EBF3: variants seen among roughly 807,000 people sequenced by gnomAD.
EBF3 encodes the protein EBF transcription factor 3, also known as transcription factor COE3.
In EBF3, 18 loss-of-function variants were observed where a neutral mutation model predicts 77.1. The ratio of observed to expected loss-of-function variants is 0.23; its 90% CI spans 0.16 to 0.35. The LOEUF (loss-of-function observed/expected upper bound fraction) is 0.35. Among genes scored for constraint, EBF3 ranks in the 10% least tolerant of loss-of-function variants. The pLI, the probability that EBF3 is intolerant of heterozygous loss-of-function variation, is 1.00. For synonymous variants in EBF3, 350 were observed against 343.5 expected (o/e 1.02, Z -0.21); for missense variants, 558 against 860.0 (o/e 0.65, Z 4.39).
chr10:129,843,298 T>C, intron 11 of EBF3, 96 bp from the exon 12 acceptor site: 1 of 1,343,924 alleles, frequency 7.4e-7, no homozygotes, highest in Non-Finnish European at 1.0e-6. Context: ...TGGAGACCAG[T>C]CCCCACCCAC....
In EBF3 at chr10:129,962,943, G is replaced by T. The variant is rs775287794; in HGVS notation, c.354C>A (p.Asn118Lys). 6.2e-7 allele frequency: 1 copy of T among 1,613,996 alleles called. No individual in the cohort carries two copies. Among genetic ancestry groups the T allele is most frequent in the Admixed American group, 1.7e-5 (1 of 60,020 alleles). Residue 118 changes from asparagine (N) to lysine (K), a missense_variant and splice_region_variant, in exon 3 of 17, where the codon AAC (asparagine) becomes AAA (lysine). Asn to Lys is a moderately conservative substitution (Grantham distance 94). Around this residue, in one of 5 missense-constraint regions of EBF3, gnomAD observed 84 missense variants for 142.3 expected, o/e 0.59. Coordinates refer to ENST00000440978, the MANE Select transcript of EBF3 (RefSeq NM_001375380.1). ...GGCGAGCACGCAGCAGGCACTTACC[G>T]TTGCTGTACAATAACTGGAGTTTAT... ...IHYKLQLLYS[N>K]GVRTEQDLYV...
At chr10:129,872,948 T>C (rs1564844033) in intron 8 of EBF3, among the ~76,000 whole-genome samples, 4 of 150,632 alleles carry the variant, frequency 2.7e-5, no homozygotes. Context: ...AAAAAAAACG[T>C]ATGCTGGTTG....
At position 129,962,172 on chromosome 10, in the gene EBF3, T is replaced by C. The variant is rs1235106936; in HGVS notation, c.410A>G (p.Gln137Arg). ...GTGCAGAGGCATAAACTTTCTCACC[T>C]GTTTGGTCATTGAATCTATGAGGCG... ...YVRLIDSMTK[Q>R]AIVYEGQDKN... Residue 137 changes from glutamine to arginine, a missense_variant and splice_region_variant, in exon 4 of 17, where the codon CAG becomes CGG. Transcript: ENST00000440978. The C allele has an allele frequency of 2.5e-6, 4 of 1,613,988 alleles. No homozygotes were observed. Among genetic ancestry groups the C allele is most frequent in the Non-Finnish European group, 3.4e-6 (4 of 1,180,018 alleles).
intron 6 of EBF3, among the ~76,000 whole-genome samples, chr10:129,942,598 G>A (rs1261808079): frequency 6.6e-6 from 1 of 152,138 alleles, no homozygotes; most frequent in Non-Finnish European, 1.5e-5. Context: ...CCGGGGCACT[G>A]GGGAAAATTG....
At position 129,944,349 on chromosome 10, in the gene EBF3, T is replaced by C. The variant is rs1487121391; in HGVS notation, c.554+12909A>G. Among the ~76,000 whole-genome samples, 1 of 152,238 alleles carries C rather than the reference T, an allele frequency of 6.6e-6. No homozygotes were observed. The highest frequency in any genetic ancestry group is 1.5e-5 in the Non-Finnish European group (1 of 68,052). The stretch of plus-strand genomic sequence containing the variant: ...GACATGCAGGGAACATTTTTATTGT[T>C]AATCAATGCCAATCAATTCTGAGCC... On this transcript the variant is annotated intron_variant, in intron 6 of 16. Coordinates refer to ENST00000440978, the MANE Select transcript of EBF3 (RefSeq NM_001375380.1). The surrounding 1 kb of genome is among the most constrained non-coding windows in gnomAD (Gnocchi z 5.1).
At chr10:129,924,446 CAAAAAA>C (rs2134377938) in intron 6 of EBF3, among the ~76,000 whole-genome samples, 1 of 123,450 alleles carries the variant, frequency 8.1e-6, no homozygotes, top group Non-Finnish European at 1.7e-5. Context: ...AAAAAAAAAA[CAAAAAA>C]CAAAAAACAG....
At chr10:129,912,074 C>CG (rs1855563948) in intron 6 of EBF3, among the ~76,000 whole-genome samples, 1 of 152,170 alleles carries the variant, frequency 6.6e-6, no homozygotes, top group South Asian at 2.1e-4. Flanking sequence ...AGAGGGCTCC[C>CG]GCTAGGACCC....
At chr10:129,923,633 C>T (rs1408248520) in intron 6 of EBF3, among the ~76,000 whole-genome samples, 1 of 152,102 alleles carries the variant, frequency 6.6e-6, no homozygotes, top group Non-Finnish European at 1.5e-5. Context: ...ACAACATATA[C>T]AAAAATTAAC....
chr10:129,838,161 C>A (rs1002729295), intron 16 of EBF3, among the ~76,000 whole-genome samples: 3 of 152,244 alleles, frequency 2.0e-5, no homozygotes, highest in Non-Finnish European at 2.9e-5. Context: ...GGACAACAAC[C>A]CCCAGTCCTG....
intron 4 of EBF3, among the ~76,000 whole-genome samples, chr10:129,960,893 G>A (rs1027951225): frequency 6.6e-6 from 1 of 151,962 alleles, no homozygotes; most frequent in Non-Finnish European, 1.5e-5. Context: ...ACCAGCAGCC[G>A]GAGTTCCAGA....
chr10:129,873,029 G>A (rs536930532), intron 8 of EBF3, among the ~76,000 whole-genome samples: 11 of 152,026 alleles, frequency 7.2e-5, no homozygotes, highest in African/African-American at 2.2e-4. Flanking sequence ...ACATGCACAC[G>A]CACTCCAGCC....
chr10:129,932,895 C>CTTTTTTT (rs35568967), intron 6 of EBF3, among the ~76,000 whole-genome samples: 1 of 126,424 alleles, frequency 7.9e-6, no homozygotes, highest in Non-Finnish European at 1.6e-5. Context: ...CTTTTTTTTC[C>CTTTTTTT]TTTTTTTTTT....
At chr10:129,925,327 C>T (rs530643918) in intron 6 of EBF3, among the ~76,000 whole-genome samples, 19 of 151,882 alleles carry the variant, frequency 1.3e-4, no homozygotes, top group Admixed American at 7.9e-4. Flanking sequence ...GGAGCTGGCA[C>T]CACAGACCCT....
chr10:129,906,331 CCA>C (rs1855140431), intron 6 of EBF3, among the ~76,000 whole-genome samples: 1 of 152,160 alleles, frequency 6.6e-6, no homozygotes, highest in Non-Finnish European at 1.5e-5. Context: ...TGTTCGTCTC[CCA>C]CAGTTTTCAC....
intron 6 of EBF3, among the ~76,000 whole-genome samples, chr10:129,954,817 A>C (rs944964276): frequency 1.3e-5 from 2 of 152,148 alleles, no homozygotes; most frequent in Non-Finnish European, 2.9e-5. Flanking sequence ...GGGGACCTGG[A>C]AACTGACTCC....
rs1857462292 is a variant in EBF3, at chr10:129,937,783, T to C, written c.554+19475A>G. Among the ~76,000 whole-genome samples the C allele has an allele frequency of 2.0e-5, 3 of 152,224 alleles. No individual in the cohort carries two copies. The South Asian group carries it at 6.2e-4, about 32-fold the overall frequency. On this transcript the variant is annotated intron_variant, in intron 6 of 16. Transcript: ENST00000440978. ...CCCTGGCAGCCAAGGGGAGCAGCTC[T>C]AAAGGAGTTCAAGTCCTCTCCGAGC...
intron 10 of EBF3, among the ~76,000 whole-genome samples, chr10:129,856,940 C>T (rs1169511412): frequency 6.6e-6 from 1 of 152,110 alleles, no homozygotes. Flanking sequence ...CTTCCAGGGC[C>T]GGAGTGCCGT....
rs367571825 is a variant in EBF3 at position 129,848,351 on chromosome 10, G to A, written c.1128+41C>T. On this transcript the variant is annotated intron_variant, in intron 11 of 16. Coordinates refer to ENST00000440978, the MANE Select transcript of EBF3 (RefSeq NM_001375380.1). This position sits in a 1 kb window ranked among gnomAD's most constrained non-coding sequence, Gnocchi z 4.4. ...CCCAAACCAGAACCAGCCCAGTGGC[G>A]GCCCCACCATGAGCGGGGTGCCACT... The A allele has an allele frequency of 1.8e-5, 29 of 1,589,052 alleles. No individual in the cohort carries two copies. The highest frequency in any genetic ancestry group is 9.9e-5 in the South Asian group (9 of 90,564).
At chr10:129,931,479 G>T (rs1857022349) in intron 6 of EBF3, among the ~76,000 whole-genome samples, 1 of 152,222 alleles carries the variant, frequency 6.6e-6, no homozygotes, top group Non-Finnish European at 1.5e-5. Context: ...CAGAAGTGAT[G>T]AATGCACTCA....
Sources: gnomAD v4.1 joint callset for allele counts (sites outside exome capture counted in the v4.1 genomes callset) on GRCh38, gnomAD v4.1.1 for gene constraint, gnomAD v4.1.1 regional missense constraint, Gnocchi (gnomAD v3.1) non-coding constraint, MANE v1.5 for transcripts, NCBI Gene and HGNC (gene_info 2026-07-23, HGNC 2026-07-21) for gene names.